The following LRRC4C variants were observed in gnomAD, a reference collection of about 807,000 sequenced individuals.
The protein encoded by LRRC4C is leucine-rich repeat-containing protein 4C.
In LRRC4C, 5 loss-of-function variants were observed where a neutral mutation model predicts 33.6. The ratio of observed to expected loss-of-function variants is 0.15; its 90% CI spans 0.08 to 0.31. LRRC4C has a LOEUF of 0.31. LRRC4C is among the 10% of genes least tolerant of loss of function. The pLI, the probability that LRRC4C is intolerant of heterozygous loss-of-function variation, is 1.00. For missense variants in LRRC4C, 560 were observed against 796.7 expected (o/e 0.70, Z 3.58); for synonymous variants, 329 against 302.0 (o/e 1.09, Z -0.93).
chr11:40,543,071 CAT>C (rs942886948), intron 3 of LRRC4C, among the ~76,000 whole-genome samples: 1 of 152,054 alleles, frequency 6.6e-6, no homozygotes, highest in African/African-American at 2.4e-5. Flanking sequence ...GGATATCTGG[CAT>C]ATACCATGGT....
chr11:40,746,517 G>A (rs1948429368), intron 2 of LRRC4C, among the ~76,000 whole-genome samples: 1 of 152,134 alleles, frequency 6.6e-6, no homozygotes, highest in Non-Finnish European at 1.5e-5. Context: ...AGTCAGCACT[G>A]CCCCACTTCT....
intron 4 of LRRC4C, among the ~76,000 whole-genome samples, chr11:40,268,684 A>G (rs996171722): frequency 7.9e-5 from 12 of 152,212 alleles, no homozygotes; most frequent in Admixed American, 3.3e-4. Context: ...ATAAAAGATT[A>G]AAAATATGGC....
At chr11:41,319,814 G>C (rs192715914) in intron 1 of LRRC4C, among the ~76,000 whole-genome samples, 1 of 152,232 alleles carries the variant, frequency 6.6e-6, no homozygotes, top group African/African-American at 2.4e-5. Flanking sequence ...GCCTCCCAAA[G>C]TGCTGGGATT....
intron 4 of LRRC4C, among the ~76,000 whole-genome samples, chr11:40,247,115 T>C (rs10742534): frequency 0.82 from 111,753 of 136,926 alleles, 45,218 homozygotes; most frequent in East Asian, 0.95. Context: ...TTTTCTCTCT[T>C]TTTTTTTTTT....
intron 5 of LRRC4C, among the ~76,000 whole-genome samples, chr11:40,166,993 G>C (rs1859646223): frequency 6.6e-6 from 1 of 152,114 alleles, no homozygotes; most frequent in Non-Finnish European, 1.5e-5. Flanking sequence ...CCCGTGTCTA[G>C]ATTATGACCA....
chr11:41,227,973 C>G (rs1947616873), intron 1 of LRRC4C, among the ~76,000 whole-genome samples: 1 of 152,076 alleles, frequency 6.6e-6, no homozygotes, highest in Admixed American at 6.6e-5. Flanking sequence ...TCTAATCTCT[C>G]TAACCAAATA....
chr11:40,840,757 A>C (rs1952876637), intron 2 of LRRC4C, among the ~76,000 whole-genome samples: 1 of 152,228 alleles, frequency 6.6e-6, no homozygotes, highest in South Asian at 2.1e-4. Flanking sequence ...ATTCACGTTC[A>C]AATTCCAAGG....
chr11:41,340,615 A>G (rs2137461776), intron 1 of LRRC4C, among the ~76,000 whole-genome samples: 1 of 152,274 alleles, frequency 6.6e-6, no homozygotes, highest in East Asian at 1.9e-4. Flanking sequence ...ATCCAAAGAA[A>G]CTCAGAGACC....
rs77529705 is a variant in LRRC4C at position 41,241,497 on chromosome 11, G to C, written c.-496+217934C>G. Among the ~76,000 whole-genome samples the C allele has an allele frequency of 3.6e-3, 555 of 152,216 alleles. 2 individuals carry two copies. Among genetic ancestry groups the C allele is most frequent in the African/African-American group, 0.013 (522 of 41,568 alleles). On this transcript the variant is annotated intron_variant, in intron 1 of 6. Transcript: ENST00000528697. ...GTCAAAAGAGATGTAATATACTTGAGTTATCAACAAGTCAATGGAGAGTCA... is the reference window on the plus strand; with the variant it reads ...GTCAAAAGAGATGTAATATACTTGACTTATCAACAAGTCAATGGAGAGTCA...
At chr11:40,987,549 G>T (rs1187760943) in intron 1 of LRRC4C, among the ~76,000 whole-genome samples, 1 of 149,896 alleles carries the variant, frequency 6.7e-6, no homozygotes, top group Non-Finnish European at 1.5e-5. Flanking sequence ...ATTGAATCTA[G>T]TATCGGAGCA....
chr11:41,039,098 T>C (rs1373351134), intron 1 of LRRC4C, among the ~76,000 whole-genome samples: 2 of 152,178 alleles, frequency 1.3e-5, no homozygotes, highest in African/African-American at 4.8e-5. Flanking sequence ...CCTTCTTATT[T>C]TTTTGTATAT....
At chr11:40,228,965 C>G (rs1005193713) in intron 5 of LRRC4C, among the ~76,000 whole-genome samples, 2 of 152,170 alleles carry the variant, frequency 1.3e-5, no homozygotes, top group African/African-American at 4.8e-5. Context: ...GTCAGGCTAT[C>G]TTGCCAGATC....
chr11:40,261,567 A>G (rs1472700415), intron 4 of LRRC4C, among the ~76,000 whole-genome samples: 1 of 152,158 alleles, frequency 6.6e-6, no homozygotes, highest in African/African-American at 2.4e-5. Flanking sequence ...TGTGATAAAA[A>G]CAAGTTTTAG....
chr11:41,202,231 G>A (rs1158842330), intron 1 of LRRC4C, among the ~76,000 whole-genome samples: 1 of 152,152 alleles, frequency 6.6e-6, no homozygotes, highest in African/African-American at 2.4e-5. Context: ...GTCCAAATGG[G>A]TTTCTGCTAA....
intron 1 of LRRC4C, among the ~76,000 whole-genome samples, chr11:41,257,108 G>A (rs904317739): frequency 1.3e-5 from 2 of 151,908 alleles, no homozygotes; most frequent in African/African-American, 4.8e-5. Flanking sequence ...GTTTGTTCTT[G>A]TGTTGGCGTT....
At chr11:40,596,913 A>G (rs1171029600) in intron 3 of LRRC4C, among the ~76,000 whole-genome samples, 1 of 152,230 alleles carries the variant, frequency 6.6e-6, no homozygotes, top group Non-Finnish European at 1.5e-5. Flanking sequence ...AATGTGGTAC[A>G]TATACCCATG....
chr11:40,658,193 C>T (rs1943233569), intron 2 of LRRC4C, among the ~76,000 whole-genome samples: 1 of 152,168 alleles, frequency 6.6e-6, no homozygotes, highest in Non-Finnish European at 1.5e-5. Flanking sequence ...AATTTGGTGT[C>T]CCATAGTAGG....
intron 1 of LRRC4C, among the ~76,000 whole-genome samples, chr11:41,291,149 T>C (rs1949981498): frequency 6.6e-6 from 1 of 152,154 alleles, no homozygotes; most frequent in Non-Finnish European, 1.5e-5. Context: ...AAAACATGAT[T>C]TAAAACCTTT....
intron 2 of LRRC4C, among the ~76,000 whole-genome samples, chr11:40,911,988 T>G (rs1431961885): frequency 6.6e-6 from 1 of 151,882 alleles, no homozygotes; most frequent in African/African-American, 2.4e-5. Context: ...AGAAGGGAAG[T>G]TGAGAGACAA....
Sources: allele counts gnomAD v4.1 joint callset (sites outside exome capture counted in the v4.1 genomes callset), GRCh38; gene constraint gnomAD v4.1.1; transcripts MANE v1.5; gene names NCBI Gene and HGNC (gene_info 2026-07-23, HGNC 2026-07-21).